The following BTG4 variants were observed in gnomAD, a reference collection of about 807,000 sequenced individuals.
The protein encoded by BTG4 is protein BTG4.
BTG4 carries 10 observed loss-of-function variants against 19.3 expected under a neutral mutation model. That is an observed-to-expected ratio of 0.52 (90% CI 0.32 to 0.88). The LOEUF is 0.88. Among genes scored for constraint, BTG4 ranks in the 40% least tolerant of loss-of-function variants. The pLI is 0.04. For synonymous variants in BTG4, 91 were observed against 95.7 expected, an observed-to-expected ratio of 0.95 and a Z score of 0.29; for missense variants, 238 against 281.9, an observed-to-expected ratio of 0.84 and a Z score of 1.11.
rs1865892775 is a variant in BTG4, at chr11:111,498,773, T to C, written c.4A>G (p.Arg2Gly). ...AAAACTGTTGTTGCAATTTCATCTC[T>C]CATGATTCAAGAAAAATAGATAAGG... M[R>G]DEIATTVFFV... Residue 2 changes from arginine to glycine, a missense_variant, in exon 2 of 5, where the codon AGA becomes GGA. Physicochemically the swap from Arg to Gly is moderately radical, Grantham distance 125 (BLOSUM62 -2). Coordinates refer to ENST00000692032, the MANE Select transcript of BTG4 (RefSeq NM_001367975.1). The C allele has an allele frequency of 6.2e-7, 1 of 1,605,446 alleles. No individual in the cohort carries two copies. The highest frequency in any genetic ancestry group is 1.8e-4 in the Middle Eastern group (1 of 5,604).
At chr11:111,506,281 A>G (rs1866450419) in intron 1 of BTG4, among the ~76,000 whole-genome samples, 1 of 152,184 alleles carries the variant, frequency 6.6e-6, no homozygotes, top group African/African-American at 2.4e-5. Flanking sequence ...TATATACACA[A>G]TGGAATACTA....
At chr11:111,459,928 A>G in the BTG4 span, 1 of 152,094 alleles carries the variant, frequency 6.6e-6, no homozygotes, top group South Asian at 2.1e-4. Flanking sequence ...GGCTGCTGAG[A>G]CCCAAAATTA....
chr11:111,385,826 T>A, the BTG4 span: 2 of 152,012 alleles, frequency 1.3e-5, no homozygotes, highest in Non-Finnish European at 2.9e-5. Context: ...AAATCTAGAG[T>A]GATGTTATAC....
chr11:111,451,474 T>C, the BTG4 span: 4 of 432,824 alleles, frequency 9.2e-6, no homozygotes, highest in Admixed American at 7.1e-5. Flanking sequence ...CTTTAAAAAA[T>C]ACTGCTGCAG....
upstream of BTG4, chr11:111,513,166 C>T: frequency 2.6e-6 from 1 of 378,672 alleles, no homozygotes; most frequent in Non-Finnish European, 5.5e-6. Flanking sequence ...AGGAAACCCG[C>T]GGTTTCTCCA....
chr11:111,421,470 G>A, the BTG4 span, among the ~76,000 whole-genome samples: 2 of 152,226 alleles, frequency 1.3e-5, no homozygotes, highest in African/African-American at 4.8e-5. Context: ...GTTTGCACGT[G>A]TGTTTCCCGA....
chr11:111,495,332 A>G lies in BTG4; in HGVS notation c.511-18T>C. On this transcript the variant is annotated intron_variant, in intron 4 of 4. Coordinates refer to ENST00000692032, the MANE Select transcript of BTG4 (RefSeq NM_001367975.1). The stretch of plus-strand genomic sequence containing the variant: ...TTTTCAACCTGGAAAAAAAAAGTAT[A>G]AAGATCTCTAATAAGCTAGCTGTAA... 8 of 1,596,396 alleles carry G rather than the reference A, an allele frequency of 5.0e-6. No homozygotes were observed. The highest frequency in any genetic ancestry group is 6.9e-6 in the Non-Finnish European group (8 of 1,166,800).
At chr11:111,464,934 C>T (rs1355961357), downstream of BTG4, among the ~76,000 whole-genome samples, 1 of 152,110 alleles carries the variant, frequency 6.6e-6, no homozygotes, top group African/African-American at 2.4e-5. Flanking sequence ...CCCCATCAAA[C>T]ATGAATCTAA....
the BTG4 span, among the ~76,000 whole-genome samples, chr11:111,420,641 G>A: frequency 6.6e-6 from 1 of 152,228 alleles, no homozygotes; most frequent in African/African-American, 2.4e-5. Context: ...ACAAGAAACA[G>A]CATTCAACAG....
the BTG4 span, chr11:111,400,944 C>CA: frequency 6.7e-6 from 1 of 148,804 alleles, no homozygotes; most frequent in Non-Finnish European, 1.5e-5. Context: ...CAGTACTCTT[C>CA]AAAACTGTCA....
the BTG4 span, among the ~76,000 whole-genome samples, chr11:111,428,858 G>A: frequency 6.6e-6 from 1 of 152,174 alleles, no homozygotes; most frequent in Non-Finnish European, 1.5e-5. Context: ...GGAATACAGT[G>A]TGAGGGTCTC....
chr11:111,462,291 C>A, the BTG4 span: 1 of 152,438 alleles, frequency 6.6e-6, no homozygotes, highest in East Asian at 1.9e-4. Flanking sequence ...GAGGCCCATT[C>A]CTTTGTCCCT....
the BTG4 span, among the ~76,000 whole-genome samples, chr11:111,433,717 C>CAAAA: frequency 6.6e-6 from 1 of 151,708 alleles, no homozygotes; most frequent in Non-Finnish European, 1.5e-5. Flanking sequence ...AAGAAAAAAA[C>CAAAA]AACCCCATCA....
intron 5 of BTG4, among the ~76,000 whole-genome samples, chr11:111,482,773 G>A (rs1314374938): frequency 6.6e-6 from 1 of 151,622 alleles, no homozygotes; most frequent in African/African-American, 2.4e-5. Context: ...ATCTAAGTCT[G>A]GTATCTCATA....
the BTG4 span, among the ~76,000 whole-genome samples, chr11:111,456,308 C>T: frequency 1.3e-5 from 2 of 152,056 alleles, no homozygotes; most frequent in South Asian, 2.1e-4. This position sits in a 1 kb window ranked among gnomAD's most constrained non-coding sequence, Gnocchi z 4.2. Flanking sequence ...TGCCGGCCTG[C>T]GCAATGATAT....
chr11:111,446,883 T>C, the BTG4 span, among the ~76,000 whole-genome samples: 1 of 152,220 alleles, frequency 6.6e-6, no homozygotes, highest in South Asian at 2.1e-4. Context: ...CAGCCACCTA[T>C]GGCTACTGAG....
the BTG4 span, among the ~76,000 whole-genome samples, chr11:111,410,840 G>A: frequency 6.6e-6 from 1 of 152,112 alleles, no homozygotes; most frequent in Non-Finnish European, 1.5e-5. Context: ...CTTGCAAATG[G>A]CAATCATATC....
chr11:111,447,583 C>G, the BTG4 span, among the ~76,000 whole-genome samples: 1 of 152,160 alleles, frequency 6.6e-6, no homozygotes, highest in South Asian at 2.1e-4. Flanking sequence ...CGCATGCACA[C>G]ACACCCCACC....
intron 1 of BTG4, among the ~76,000 whole-genome samples, chr11:111,501,665 T>G (rs1866091187): frequency 6.6e-6 from 1 of 152,214 alleles, no homozygotes; most frequent in Non-Finnish European, 1.5e-5. Context: ...GCTAGAAGAT[T>G]TGTAATGTTC....
Sources: gnomAD v4.1 joint callset for allele counts (sites outside exome capture counted in the v4.1 genomes callset) on GRCh38, gnomAD v4.1.1 for gene constraint, Gnocchi (gnomAD v3.1) non-coding constraint, MANE v1.5 for transcripts, NCBI Gene and HGNC (gene_info 2026-07-23, HGNC 2026-07-21) for gene names.